The following MYBPC2 variants were observed in gnomAD, a reference collection of about 807,000 sequenced individuals.
MYBPC2 encodes myosin binding protein C2, also known as myosin-binding protein C, fast-type.
In MYBPC2, 122 loss-of-function variants were observed where a neutral mutation model predicts 137.0. The observed-to-expected ratio is 0.89, with a 90% CI of 0.77 to 1.03. MYBPC2 has a LOEUF of 1.03. Ranked by LOEUF, MYBPC2 falls within the 50% of genes least tolerant of loss-of-function variation. The pLI, the probability that MYBPC2 is intolerant of heterozygous loss-of-function variation, is 0.00. For synonymous variants in MYBPC2, 626 were observed against 612.3 expected, an observed-to-expected ratio of 1.02 and a Z score of -0.33; for missense variants, 1,500 against 1,534.4, an observed-to-expected ratio of 0.98 and a Z score of 0.37.
intron 1 of MYBPC2, among the ~76,000 whole-genome samples, chr19:50,433,412 G>GTTT (rs10673735): frequency 0.012 from 1,774 of 144,472 alleles, 32 homozygotes; most frequent in African/African-American, 0.04. Context: ...TTGGTTTTTG[G>GTTT]TTTTTTTTTT....
chr19:50,461,511 C>T (rs1568669767), intron 24 of MYBPC2, 31 bp from the exon 25 acceptor site: 1 of 1,605,380 alleles, frequency 6.2e-7, no homozygotes, highest in East Asian at 2.2e-5. Context: ...GTGGCCCCGA[C>T]CCGCCTGGTC....
chr19:50,458,860 G>T, intron 21 of MYBPC2, 58 bp from the exon 22 acceptor site: 1 of 1,595,106 alleles, frequency 6.3e-7, no homozygotes, highest in Non-Finnish European at 8.5e-7. Flanking sequence ...ATCACCATTG[G>T]CCCCTGGAAT....
rs766611075 is a variant in MYBPC2, at chr19:50,459,934, T to A, written c.2792-106T>A. ...CATAGGCAGGAATGGGAATGGGGCA[T>A]AAGAGAGGTTAGAATCAGGAGGGAG... is the stretch of plus-strand genomic sequence containing the variant. On this transcript the variant is annotated intron_variant, in intron 23 of 27. Transcript: ENST00000357701. 2.4e-4 allele frequency: 343 copies of A among 1,431,144 alleles called. 1 individual carries two copies. Among genetic ancestry groups the A allele is most frequent in the Non-Finnish European group, 3.0e-4 (325 of 1,069,946 alleles). 88.7% of individuals were successfully genotyped at this position (1,431,144 alleles called of 1,614,324 possible).
chr19:50,466,059 C>A lies in MYBPC2; in HGVS notation c.3416-136C>A. 1.6e-6 allele frequency: 2 copies of A among 1,240,826 alleles called. No homozygotes were observed. The highest frequency in any genetic ancestry group is 1.1e-6 in the Non-Finnish European group (1 of 883,456). The allele number at this position is 1,240,826 out of a possible 1,614,324, so 76.9% of individuals were successfully genotyped here. A position where few individuals can be genotyped will look rare whatever the true frequency, so the allele number is the denominator to read the frequency against. On this transcript the variant is annotated intron_variant, in intron 27 of 27. Coordinates refer to ENST00000357701, the MANE Select transcript of MYBPC2 (RefSeq NM_004533.4). The surrounding 1 kb of genome is among the most constrained non-coding windows in gnomAD (Gnocchi z 4.9). ...ACTGTGACTCTGGGTTGTCCAGCCACAGTGGCCTAGGATGGGGCGGGATGG... is the reference window on the plus strand; with the variant it reads ...ACTGTGACTCTGGGTTGTCCAGCCAAAGTGGCCTAGGATGGGGCGGGATGG...
rs35449474 is a variant in MYBPC2, at chr19:50,445,906, G to A, written c.1160G>A (p.Arg387Gln). ...ATGAAAGATGGTGTGGAACTGACTC[G>A]GGAGGATTCCTTCAAGGCCCGGTAC... ...MWMKDGVELT[R>Q]EDSFKARYRF... The change falls in exon 12 of 28, where the codon CGG becomes CAG. Residue 387 changes from arginine (R) to glutamine (Q), a missense_variant. Transcript: ENST00000357701. 0.012 allele frequency: 19,007 copies of A among 1,608,938 alleles called. 138 individuals are homozygous for A. The highest frequency in any genetic ancestry group is 0.014 in the Non-Finnish European group (16,289 of 1,177,712).
chr19:50,451,016 G>C (rs1401480336), intron 14 of MYBPC2, 81 bp downstream of exon 14: 16 of 1,323,946 alleles, frequency 1.2e-5, no homozygotes, highest in Non-Finnish European at 1.7e-5. Context: ...CCCTCTCCAG[G>C]ATTAAGGTTC....
intron 26 of MYBPC2, among the ~76,000 whole-genome samples, chr19:50,463,989 C>T (rs887763001): frequency 2.0e-5 from 3 of 150,660 alleles, no homozygotes; most frequent in Non-Finnish European, 4.4e-5. Flanking sequence ...ACAGCCAGTG[C>T]CAGCGTCCTG....
chr19:50,441,715 C>T (rs2039757166), intron 8 of MYBPC2, among the ~76,000 whole-genome samples: 1 of 152,078 alleles, frequency 6.6e-6, no homozygotes, highest in Admixed American at 6.6e-5. Flanking sequence ...TGGTGTGCAC[C>T]TGTAATCCCA....
In MYBPC2 at chr19:50,455,609, T is replaced by C. The variant is rs753367415; in HGVS notation, c.2303T>C (p.Ile768Thr). The C allele has an allele frequency of 2.5e-6, 4 of 1,613,944 alleles. No individual in the cohort carries two copies. The South Asian group carries it at 4.4e-5, about 18-fold the overall frequency. ...RPPNRIGAGG[I>T]DGYLVEYCLE... ...CCGAACAGGATCGGGGCAGGTGGCA[T>C]CGATGGGTACCTGGTGGAGTACTGC... is the stretch of plus-strand genomic sequence containing the variant. The change falls in exon 20 of 28, where the codon ATC (isoleucine) becomes ACC (threonine). Residue 768 changes from isoleucine to threonine, a missense_variant. Ile to Thr is a moderately conservative substitution (Grantham distance 89, BLOSUM62 -1). Coordinates refer to ENST00000357701, the MANE Select transcript of MYBPC2 (RefSeq NM_004533.4).
chr19:50,444,881 A>G (rs2039790267), intron 11 of MYBPC2, among the ~76,000 whole-genome samples: 1 of 46,968 alleles, frequency 2.1e-5, no homozygotes, highest in Non-Finnish European at 3.6e-5. Flanking sequence ...CTCCGTCTCA[A>G]AAAAAAAAAA....
At chr19:50,456,264 T>C (rs1366748390) in intron 20 of MYBPC2, among the ~76,000 whole-genome samples, 3 of 147,590 alleles carry the variant, frequency 2.0e-5, no homozygotes. Context: ...CATCCATCCC[T>C]CCATTTGTCC....
Position 50,436,674 on chromosome 19 carries a change from C to T in MYBPC2, c.403C>T (p.Arg135Cys), listed in dbSNP as rs369957056. ...GGTACTGGGGGACCGTGGGTATTAC[C>T]GCCTCGAGGTCAAAGCCAAGGACAC... ...KVVLGDRGYY[R>C]LEVKAKDTCD... is the part of the protein sequence containing the mutation. The change falls in exon 5 of 28, where the codon CGC becomes TGC. Residue 135 changes from arginine to cysteine, a missense_variant. Coordinates refer to ENST00000357701, the MANE Select transcript of MYBPC2 (RefSeq NM_004533.4). 20 of 1,613,774 alleles carry T rather than the reference C, an allele frequency of 1.2e-5. No homozygotes were observed. The South Asian group carries it at 1.4e-4, about 12-fold the overall frequency.
At chr19:50,444,652 G>A (rs899405260) in intron 11 of MYBPC2, among the ~76,000 whole-genome samples, 3 of 151,918 alleles carry the variant, frequency 2.0e-5, no homozygotes, top group Admixed American at 6.6e-5. Context: ...AGGCCGAGAC[G>A]GGCGGATCAC....
intron 8 of MYBPC2, 113 bp from the exon 9 acceptor site, chr19:50,442,068 C>T (rs953543537): frequency 2.2e-6 from 3 of 1,347,998 alleles, no homozygotes; most frequent in Admixed American, 2.6e-5. Context: ...CTGACTTCCT[C>T]ACTTTGACCT....
intron 13 of MYBPC2, among the ~76,000 whole-genome samples, chr19:50,449,744 G>C (rs907459199): frequency 2.0e-5 from 3 of 152,210 alleles, no homozygotes; most frequent in African/African-American, 7.2e-5. Flanking sequence ...AATGCAGAGA[G>C]CCAGCATGAT....
intron 20 of MYBPC2, 78 bp downstream of exon 20, chr19:50,455,722 C>A (rs1167036128): frequency 1.3e-6 from 2 of 1,566,538 alleles, no homozygotes; most frequent in Admixed American, 1.8e-5. Context: ...GAAAATAGGA[C>A]CATGTGGGAC....
In MYBPC2 at chr19:50,455,243, A is replaced by G. The variant is rs575810105; in HGVS notation, c.2150A>G (p.Asn717Ser). 9.9e-6 allele frequency: 16 copies of G among 1,613,646 alleles called. No individual in the cohort carries two copies. The highest frequency in any genetic ancestry group is 4.5e-5 in the East Asian group (2 of 44,836). Residue 717 changes from asparagine (N) to serine (S), a missense_variant, in exon 19 of 28, where the codon AAT becomes AGT. Coordinates refer to ENST00000357701, the MANE Select transcript of MYBPC2 (RefSeq NM_004533.4). ...TATGAGATGCGTGTCTTCGCCGTCA[A>G]TGCTATAGGGGTCTCCCAGCCCAGC... ...ILYEMRVFAV[N>S]AIGVSQPSMN... is the part of the protein sequence containing the mutation.
chr19:50,435,730 C>A lies in MYBPC2; in HGVS notation c.110-46C>A. ...CCCAAAGCGGCCCACTGTCCCCTCC[C>A]CAGCCTATCTCAGACCTCCTCATCC... On this transcript the variant is annotated intron_variant, in intron 2 of 27. Coordinates refer to ENST00000357701, the MANE Select transcript of MYBPC2 (RefSeq NM_004533.4). The surrounding 1 kb of genome is among the most constrained non-coding windows in gnomAD (Gnocchi z 4.8). 6.6e-7 allele frequency: 1 copy of A among 1,520,300 alleles called. No homozygotes were observed. Among genetic ancestry groups the A allele is most frequent in the East Asian group, 2.3e-5 (1 of 42,662 alleles). 94.2% of individuals were successfully genotyped at this position (1,520,300 alleles called of 1,614,324 possible). A position where few individuals can be genotyped will look rare whatever the true frequency, so the allele number is the denominator to read the frequency against.
At chr19:50,457,234 T>C (rs2122611339) in intron 20 of MYBPC2, among the ~76,000 whole-genome samples, 1 of 152,314 alleles carries the variant, frequency 6.6e-6, no homozygotes, top group South Asian at 2.1e-4. Flanking sequence ...CTCTCCTCCG[T>C]GCTCTTTACC....
Sources: gnomAD v4.1 joint callset for allele counts (sites outside exome capture counted in the v4.1 genomes callset) on GRCh38, gnomAD v4.1.1 for gene constraint, Gnocchi (gnomAD v3.1) non-coding constraint, MANE v1.5 for transcripts, NCBI Gene and HGNC (gene_info 2026-07-23, HGNC 2026-07-21) for gene names.